Variants in ARHGAP10 observed in about 807,000 individuals in gnomAD.
The protein encoded by ARHGAP10 is Rho GTPase activating protein 10.
Under a neutral mutation model 108.6 loss-of-function variants are expected in ARHGAP10, and 87 were observed. That is an observed-to-expected ratio of 0.80 (90% CI 0.67 to 0.96). The LOEUF (loss-of-function observed/expected upper bound fraction) is 0.96. Ranked by LOEUF, ARHGAP10 falls within the 40% of genes least tolerant of loss-of-function variation. ARHGAP10 has a pLI of 0.00. For missense variants in ARHGAP10, 939 were observed against 954.5 expected (o/e 0.98, Z 0.21); for synonymous variants, 347 against 341.1 (o/e 1.02, Z -0.19).
At chr4:147,835,717 C>T (rs1026593080) in intron 3 of ARHGAP10, among the ~76,000 whole-genome samples, 1 of 152,122 alleles carries the variant, frequency 6.6e-6, no homozygotes, top group African/African-American at 2.4e-5. Flanking sequence ...TTAGTATGCA[C>T]GAGGTTCCAT....
chr4:147,984,522 G>A (rs1739954720), intron 18 of ARHGAP10, among the ~76,000 whole-genome samples: 1 of 152,226 alleles, frequency 6.6e-6, no homozygotes, highest in Non-Finnish European at 1.5e-5. Flanking sequence ...CCTTGTGGGA[G>A]GACCACACCA....
intron 1 of ARHGAP10, among the ~76,000 whole-genome samples, chr4:147,748,633 G>C (rs1428755204): frequency 6.6e-6 from 1 of 152,148 alleles, no homozygotes; most frequent in Non-Finnish European, 1.5e-5. Context: ...ACAGGTGTAT[G>C]CTTATCTGCA....
chr4:147,862,839 TTAAA>T (rs1734384779), intron 5 of ARHGAP10: 1 of 152,242 alleles, frequency 6.6e-6, no homozygotes, highest in African/African-American at 2.4e-5. Flanking sequence ...TATGTCTTTA[TTAAA>T]TAGTCAACAA....
rs1430829729 is a variant in ARHGAP10 at position 148,023,271 on chromosome 4, G to C, written c.1725G>C (p.Arg575=). 6.2e-7 allele frequency: 1 copy of C among 1,613,694 alleles called. No homozygotes were observed. The highest frequency in any genetic ancestry group is 1.7e-5 in the Admixed American group (1 of 60,000). The change falls in exon 19 of 23, where the codon CGG becomes CGC. Residue 575 remains arginine (R), a synonymous_variant. Transcript: ENST00000336498. ...ILIENHEKIF[R]TPPDTTFPEP... ...TTATGCTTTGTTGGAAGATTTTTCG[G>C]ACGCCGCCCGATACTACATTCCCTG...
At position 148,063,248 on chromosome 4, in the gene ARHGAP10, T is replaced by TCC; in HGVS notation, c.2131_2132dup (p.Phe712LeufsTer10). ...TGTGACACCTCTTTCACCCGGGTCG[T>TCC]CCCCTTTCCCCTTTTCTCCTCCTGC... On this transcript the variant is annotated frameshift_variant, in exon 21 of 23. Coordinates refer to ENST00000336498, the MANE Select transcript of ARHGAP10 (RefSeq NM_024605.4). LOFTEE classifies it high-confidence loss of function. 2 of 1,614,126 alleles carry TCC rather than the reference T, an allele frequency of 1.2e-6. No homozygotes were observed. The highest frequency in any genetic ancestry group is 1.7e-6 in the Non-Finnish European group (2 of 1,180,020).
chr4:147,889,187 C>A (rs1469967934), intron 10 of ARHGAP10, among the ~76,000 whole-genome samples: 1 of 152,230 alleles, frequency 6.6e-6, no homozygotes, highest in Non-Finnish European at 1.5e-5. Context: ...CACCGCTATA[C>A]TGTGAGCTCT....
chr4:147,743,701 C>T (rs1224075285), intron 1 of ARHGAP10, among the ~76,000 whole-genome samples: 6 of 152,142 alleles, frequency 3.9e-5, no homozygotes, highest in African/African-American at 9.7e-5. Flanking sequence ...CGCTTGAATC[C>T]GGGAGGCAGA....
intron 20 of ARHGAP10, among the ~76,000 whole-genome samples, chr4:148,048,502 C>A (rs1728985014): frequency 6.6e-6 from 1 of 152,132 alleles, no homozygotes; most frequent in South Asian, 2.1e-4. Flanking sequence ...TGCTTGTCAC[C>A]TTTACTCTTC....
chr4:147,891,269 A>G (rs546668581), intron 10 of ARHGAP10, among the ~76,000 whole-genome samples: 1 of 152,362 alleles, frequency 6.6e-6, no homozygotes, highest in African/African-American at 2.4e-5. Flanking sequence ...AAGGTGGTAT[A>G]GCCATATGAT....
At position 147,788,402 on chromosome 4, in the gene ARHGAP10, A is replaced by G. The variant is rs567022227; in HGVS notation, c.155-34325A>G. On this transcript the variant is annotated intron_variant, in intron 1 of 22. Coordinates refer to ENST00000336498, the MANE Select transcript of ARHGAP10 (RefSeq NM_024605.4). ...ACGGAGGTTGCAGTGAGCTGAGATC[A>G]CGCCATTGCACTTCAGCCTGGGTGA... Among the ~76,000 whole-genome samples, 4 of 152,250 alleles carry G rather than the reference A, an allele frequency of 2.6e-5. No homozygotes were observed. In the South Asian group the frequency reaches 8.3e-4, roughly 32 times the overall value.
intron 10 of ARHGAP10, among the ~76,000 whole-genome samples, chr4:147,893,344 C>T (rs986772823): frequency 2.6e-5 from 4 of 151,750 alleles, no homozygotes; most frequent in Non-Finnish European, 5.9e-5. Context: ...AGACGTGAGC[C>T]ACTGCTCCCG....
intron 13 of ARHGAP10, among the ~76,000 whole-genome samples, chr4:147,913,341 T>C (rs1324568676): frequency 6.6e-6 from 1 of 152,242 alleles, no homozygotes; most frequent in Admixed American, 6.5e-5. Flanking sequence ...CTTTCCTATA[T>C]GAAAACATGA....
intron 19 of ARHGAP10, among the ~76,000 whole-genome samples, chr4:148,043,732 A>G (rs1305329129): frequency 7.4e-6 from 1 of 135,458 alleles, no homozygotes; most frequent in Admixed American, 7.4e-5. Flanking sequence ...TCATATATAT[A>G]TGTGTATATA....
chr4:147,786,498 C>CT (rs1427017936), intron 1 of ARHGAP10, among the ~76,000 whole-genome samples: 1 of 152,184 alleles, frequency 6.6e-6, no homozygotes, highest in Non-Finnish European at 1.5e-5. Flanking sequence ...TCATTGATCT[C>CT]TTTCCCTTAA....
At chr4:147,870,969 T>C (rs893545300) in intron 7 of ARHGAP10, among the ~76,000 whole-genome samples, 3 of 135,482 alleles carry the variant, frequency 2.2e-5, no homozygotes, top group East Asian at 4.7e-4. Context: ...TGTGTGTGTG[T>C]GTGTGTTTGA....
chr4:147,765,076 C>T (rs1383413185), intron 1 of ARHGAP10, among the ~76,000 whole-genome samples: 1 of 151,994 alleles, frequency 6.6e-6, no homozygotes, highest in Non-Finnish European at 1.5e-5. Flanking sequence ...TTCGTAGATT[C>T]CAAGTTAATT....
chr4:148,019,093 T>C (rs779239168), intron 18 of ARHGAP10, among the ~76,000 whole-genome samples: 77 of 152,258 alleles, frequency 5.1e-4, no homozygotes, highest in African/African-American at 8.2e-4. Context: ...TCCAGGTTAC[T>C]TGGGAATTTT....
chr4:148,061,755 G>A lies in ARHGAP10; in HGVS notation c.2028-1393G>A, dbSNP rs181879539. 3.3e-5 allele frequency among the ~76,000 whole-genome samples: 5 copies of A among 152,092 alleles called. No homozygotes were observed. In the East Asian group the frequency reaches 7.7e-4, roughly 23 times the overall value. On this transcript the variant is annotated intron_variant, in intron 20 of 22. Transcript: ENST00000336498. ...TAGAGCTTTCTAATTTGGTTGCTCC[G>A]ATGTTGGCTGATGGCTCCATGTCCC... is the stretch of plus-strand genomic sequence containing the variant.
chr4:147,901,454 T>C (rs149649450), intron 10 of ARHGAP10, among the ~76,000 whole-genome samples: 1 of 152,368 alleles, frequency 6.6e-6, no homozygotes, highest in African/African-American at 2.4e-5. Flanking sequence ...TGAGTTATCA[T>C]TACATTATTT....
Sources: gnomAD v4.1 joint callset for allele counts (sites outside exome capture counted in the v4.1 genomes callset) on GRCh38, gnomAD v4.1.1 for gene constraint, MANE v1.5 for transcripts, NCBI Gene and HGNC (gene_info 2026-07-23, HGNC 2026-07-21) for gene names.